The following MAFA variants were observed in gnomAD, a reference collection of about 807,000 sequenced individuals.
MAFA encodes MAF bZIP transcription factor A.
For missense variants in MAFA, 547 were observed against 538.0 expected, an observed-to-expected ratio of 1.02 and a Z score of -0.16; for synonymous variants, 244 against 260.3, an observed-to-expected ratio of 0.94 and a Z score of 0.60.
chr8:143,428,232 G>T lies in MAFA; in HGVS notation c.*1113C>A, dbSNP rs947701428. 12 of 152,132 alleles carry T rather than the reference G, an allele frequency of 7.9e-5. No individual in the cohort carries two copies. The highest frequency in any genetic ancestry group is 2.7e-4 in the African/African-American group (11 of 41,420). The allele number at this position is 152,132 out of a possible 1,614,324, so 9.4% of individuals were successfully genotyped here. ...GGTGTGGAGCGGCTGGAATCCCACT[G>T]ATGGCCCCTGAGGGCCTCCGAAAAC... On this transcript the variant is annotated 3_prime_UTR_variant, in exon 1 of 1. Coordinates refer to ENST00000333480, the MANE Select transcript of MAFA (RefSeq NM_201589.4).
chr8:143,430,480 C>A lies in MAFA; in HGVS notation c.-74G>T, dbSNP rs560224773. The A allele has an allele frequency of 6.2e-5, 28 of 454,330 alleles. No individual in the cohort carries two copies. Among genetic ancestry groups the A allele is most frequent in the East Asian group, 1.2e-4 (1 of 8,512 alleles). The allele number at this position is 454,330 out of a possible 1,614,324, so 28.1% of individuals were successfully genotyped here. ...GGGGGGGAGCTGCAGGCCTCTCCCC[C>A]CCCTGCTCCCCGCGGGCGGCGGTCC... On this transcript the variant is annotated 5_prime_UTR_variant, in exon 1 of 1. Coordinates refer to ENST00000333480, the MANE Select transcript of MAFA (RefSeq NM_201589.4).
rs1407041265 is a variant in MAFA at position 143,429,887 on chromosome 8, C to T, written c.520G>A (p.Gly174Ser). Residue 174 changes from glycine to serine, a missense_variant, in exon 1 of 1, where the codon GGC becomes AGC. Transcript: ENST00000333480. The surrounding 1 kb of genome is among the most constrained non-coding windows in gnomAD (Gnocchi z 5.9). ...GCGCCCATGTCGTCCGCTCCGCCGCCGCCCGCGAAGCCCGGGCCGCGGAAA... is the reference window on the plus strand; with the variant it reads ...GCGCCCATGTCGTCCGCTCCGCCGCTGCCCGCGAAGCCCGGGCCGCGGAAA... ...EAFRGPGFAG[G>S]GGADDMGAGH... The T allele has an allele frequency of 5.3e-6, 7 of 1,309,018 alleles. No individual in the cohort carries two copies. The highest frequency in any genetic ancestry group is 4.8e-6 in the Non-Finnish European group (5 of 1,036,478). 81.1% of individuals were successfully genotyped at this position (1,309,018 alleles called of 1,614,324 possible). A position where few individuals can be genotyped will look rare whatever the true frequency, so the allele number is the denominator to read the frequency against.
rs1819499351 is a variant in MAFA at position 143,429,578 on chromosome 8, G to C, written c.829C>G (p.Gln277Glu). 2 of 1,603,576 alleles carry C rather than the reference G, an allele frequency of 1.2e-6. No homozygotes were observed. The highest frequency in any genetic ancestry group is 2.7e-5 in the African/African-American group (2 of 75,000). Residue 277 changes from glutamine to glutamate, a missense_variant, in exon 1 of 1, where the codon CAG becomes GAG. Physicochemically the swap from Gln to Glu is conservative, Grantham distance 29. Coordinates refer to ENST00000333480, the MANE Select transcript of MAFA (RefSeq NM_201589.4). The surrounding 1 kb of genome is among the most constrained non-coding windows in gnomAD (Gnocchi z 5.9). The part of the protein sequence containing the change: ...YAQSCRFKRV[Q>E]QRHILESEKC... ...TCGCTCTCCAGAATGTGCCGCTGCT[G>C]CACCCGCTTGAAGCGGCAGGACTGC... is the stretch of plus-strand genomic sequence containing the variant.
Position 143,429,344 on chromosome 8 carries a change from C to A in MAFA, c.*1G>T. On this transcript the variant is annotated 3_prime_UTR_variant, in exon 1 of 1. Coordinates refer to ENST00000333480, the MANE Select transcript of MAFA (RefSeq NM_201589.4). This position sits in a 1 kb window ranked among gnomAD's most constrained non-coding sequence, Gnocchi z 5.9. ...GGCGGCGCGGGCTCGGGGTCCGGCG[C>A]CTACAGGAAGAAGTCGGCCGTGCCC... is the stretch of plus-strand genomic sequence containing the variant. The A allele has an allele frequency of 7.4e-7, 1 of 1,355,460 alleles. No individual in the cohort carries two copies. 84.0% of individuals were successfully genotyped at this position (1,355,460 alleles called of 1,614,324 possible). A position where few individuals can be genotyped will look rare whatever the true frequency, so the allele number is the denominator to read the frequency against.
Position 143,430,062 on chromosome 8 carries a change from A to C in MAFA, c.345T>G (p.Asp115Glu). The C allele has an allele frequency of 7.8e-7, 1 of 1,281,366 alleles. No individual in the cohort carries two copies. Among genetic ancestry groups the C allele is most frequent in the Non-Finnish European group, 1.0e-6 (1 of 1,004,364 alleles). The allele number at this position is 1,281,366 out of a possible 1,614,324, so 79.4% of individuals were successfully genotyped here. A position where few individuals can be genotyped will look rare whatever the true frequency, so the allele number is the denominator to read the frequency against. Residue 115 changes from aspartate to glutamate, a missense_variant, in exon 1 of 1, where the codon GAT becomes GAG. Physicochemically the swap from Asp to Glu is conservative, Grantham distance 45. Coordinates refer to ENST00000333480, the MANE Select transcript of MAFA (RefSeq NM_201589.4). ...GCTGGTAGCCGCTCATCCAGTACAGATCCTCCAGCGCCGGCTTCCCCGAGG... is the reference window on the plus strand; with the variant it reads ...GCTGGTAGCCGCTCATCCAGTACAGCTCCTCCAGCGCCGGCTTCCCCGAGG... ...GGTSGKPALE[D>E]LYWMSGYQHH...
chr8:143,429,937 G>A lies in MAFA; in HGVS notation c.470C>T (p.Pro157Leu). The A allele has an allele frequency of 7.9e-7, 1 of 1,261,454 alleles. No individual in the cohort carries two copies. Among genetic ancestry groups the A allele is most frequent in the Non-Finnish European group, 9.9e-7 (1 of 1,006,350 alleles). 78.1% of individuals were successfully genotyped at this position (1,261,454 alleles called of 1,614,324 possible). The change falls in exon 1 of 1, where the codon CCG (proline) becomes CTG (leucine). Residue 157 changes from proline (P) to leucine (L), a missense_variant. Coordinates refer to ENST00000333480, the MANE Select transcript of MAFA (RefSeq NM_201589.4). This position sits in a 1 kb window ranked among gnomAD's most constrained non-coding sequence, Gnocchi z 5.9. ...AGCCTCGTAGGCTGCGGCGGCCGCC[G>A]GGTGGTGCGCGCCGTGGTGCGCGCC... ...HHGAHHGAHH[P>L]AAAAAYEAFR... is the part of the protein sequence containing the mutation.
Position 143,430,498 on chromosome 8 carries a change from G to A in MAFA, c.-92C>T, listed in dbSNP as rs1346400638. Reference sequence around the variant, plus strand: ...TCTCCCCCCCCTGCTCCCCGCGGGCGGCGGTCCCGGCGGGGGCGGGGGGGC... The same window carrying A: ...TCTCCCCCCCCTGCTCCCCGCGGGCAGCGGTCCCGGCGGGGGCGGGGGGGC... On this transcript the variant is annotated 5_prime_UTR_variant, in exon 1 of 1. Coordinates refer to ENST00000333480, the MANE Select transcript of MAFA (RefSeq NM_201589.4). 1 of 299,806 alleles carries A rather than the reference G, an allele frequency of 3.3e-6. No homozygotes were observed. Among genetic ancestry groups the A allele is most frequent in the Non-Finnish European group, 4.9e-6 (1 of 205,502 alleles). 18.6% of individuals were successfully genotyped at this position (299,806 alleles called of 1,614,324 possible). A position where few individuals can be genotyped will look rare whatever the true frequency, so the allele number is the denominator to read the frequency against.
chr8:143,430,274 G>A lies in MAFA; in HGVS notation c.133C>T (p.Leu45=). The change falls in exon 1 of 1, where the codon CTG becomes TTG. Residue 45 remains leucine, a synonymous_variant. Coordinates refer to ENST00000333480, the MANE Select transcript of MAFA (RefSeq NM_201589.4). The stretch of plus-strand genomic sequence containing the variant: ...GTCGAGGACAGCGAGCCTGGCGGCA[G>A]GCGGTGGCAGAAGCGCTCGGCCTCG... The part of the protein sequence containing the change: ...PPEAERFCHR[L]PPGSLSSTPL... 1.4e-6 allele frequency: 2 copies of A among 1,450,200 alleles called. No individual in the cohort carries two copies. The highest frequency in any genetic ancestry group is 3.2e-5 in the East Asian group (1 of 31,478). 89.8% of individuals were successfully genotyped at this position (1,450,200 alleles called of 1,614,324 possible).
rs759230371 is a variant in MAFA at position 143,430,017 on chromosome 8, C to T, written c.390G>A (p.Ala130=). The part of the protein sequence containing the change: ...SGYQHHLNPE[A]LNLTPEDAVE... ...CCGCGTCCTCGGGCGTCAGGTTGAGCGCCTCGGGGTTGAGGTGATGCTGGT... is the reference window on the plus strand; with the variant it reads ...CCGCGTCCTCGGGCGTCAGGTTGAGTGCCTCGGGGTTGAGGTGATGCTGGT... The change falls in exon 1 of 1, where the codon GCG becomes GCA. Residue 130 remains alanine (A), a synonymous_variant. Coordinates refer to ENST00000333480, the MANE Select transcript of MAFA (RefSeq NM_201589.4). The T allele has an allele frequency of 1.5e-6, 2 of 1,372,572 alleles. No individual in the cohort carries two copies. The highest frequency in any genetic ancestry group is 1.5e-5 in the South Asian group (1 of 64,984). 85.0% of individuals were successfully genotyped at this position (1,372,572 alleles called of 1,614,324 possible).
At position 143,428,493 on chromosome 8, in the gene MAFA, CT is replaced by C. The variant is rs1368875782; in HGVS notation, c.*851del. ...TTTCTGCTAGAAATACTGTGCATTA[CT>C]TTTTTCTTTCACTTCTCTTGAAGGT... On this transcript the variant is annotated 3_prime_UTR_variant, in exon 1 of 1. Transcript: ENST00000333480. 6.6e-6 allele frequency: 1 copy of C among 152,226 alleles called. No homozygotes were observed. Among genetic ancestry groups the C allele is most frequent in the Non-Finnish European group, 1.5e-5 (1 of 68,036 alleles). 9.4% of individuals were successfully genotyped at this position (152,226 alleles called of 1,614,324 possible).
At position 143,429,976 on chromosome 8, in the gene MAFA, C is replaced by A; in HGVS notation, c.431G>T (p.Gly144Val). ...GTGGTGCGCGCCGTGGTGGCCGCTG[C>A]CGATGAGCGCCTCCACCGCGTCCTC... ...TPEDAVEALI[G>V]SGHHGAHHGA... Residue 144 changes from glycine to valine, a missense_variant, in exon 1 of 1, where the codon GGC becomes GTC. Transcript: ENST00000333480. The surrounding 1 kb of genome is among the most constrained non-coding windows in gnomAD (Gnocchi z 5.9). 2.3e-6 allele frequency: 3 copies of A among 1,307,278 alleles called. No homozygotes were observed. Among genetic ancestry groups the A allele is most frequent in the Non-Finnish European group, 2.9e-6 (3 of 1,024,062 alleles). The allele number at this position is 1,307,278 out of a possible 1,614,324, so 81.0% of individuals were successfully genotyped here. A position where few individuals can be genotyped will look rare whatever the true frequency, so the allele number is the denominator to read the frequency against.
In MAFA at chr8:143,429,197, C is replaced by T; in HGVS notation, c.*148G>A. On this transcript the variant is annotated 3_prime_UTR_variant, in exon 1 of 1. Coordinates refer to ENST00000333480, the MANE Select transcript of MAFA (RefSeq NM_201589.4). This position sits in a 1 kb window ranked among gnomAD's most constrained non-coding sequence, Gnocchi z 5.9. ...GGACCGGGAGCGAAGGGGCCTCCAGCCCCGCGCCCGCAGACTTGGCACCGG... is the reference window on the plus strand; with the variant it reads ...GGACCGGGAGCGAAGGGGCCTCCAGTCCCGCGCCCGCAGACTTGGCACCGG... The T allele has an allele frequency of 9.4e-7, 1 of 1,068,422 alleles. No individual in the cohort carries two copies. The highest frequency in any genetic ancestry group is 1.2e-6 in the Non-Finnish European group (1 of 847,092). The allele number at this position is 1,068,422 out of a possible 1,614,324, so 66.2% of individuals were successfully genotyped here.
rs7386685 is a variant in MAFA, at chr8:143,429,219, C to A, written c.*126G>T. The A allele has an allele frequency of 3.4e-6, 4 of 1,165,312 alleles. No individual in the cohort carries two copies. Among genetic ancestry groups the A allele is most frequent in the East Asian group, 7.1e-5 (2 of 28,076 alleles). 72.2% of individuals were successfully genotyped at this position (1,165,312 alleles called of 1,614,324 possible). A position where few individuals can be genotyped will look rare whatever the true frequency, so the allele number is the denominator to read the frequency against. On this transcript the variant is annotated 3_prime_UTR_variant, in exon 1 of 1. Transcript: ENST00000333480. The surrounding 1 kb of genome is among the most constrained non-coding windows in gnomAD (Gnocchi z 5.9). ...CAGCCCCGCGCCCGCAGACTTGGCACCGGGGCCAGCACGGCCGGGCCGGGC... is the reference window on the plus strand; with the variant it reads ...CAGCCCCGCGCCCGCAGACTTGGCAACGGGGCCAGCACGGCCGGGCCGGGC...
rs1819506805 is a variant in MAFA at position 143,429,821 on chromosome 8, G to A, written c.586C>T (p.His196Tyr). 3 of 1,467,254 alleles carry A rather than the reference G, an allele frequency of 2.0e-6. 1 individual carries two copies. The highest frequency in any genetic ancestry group is 2.6e-5 in the South Asian group (2 of 77,442). 90.9% of individuals were successfully genotyped at this position (1,467,254 alleles called of 1,614,324 possible). ...HGAHHAAHHH[H>Y]AAHHHHHHHH... ...TGGTGGTGGTGGTGGTGGGCGGCGT[G>A]GTGATGGTGGGCGGCGTGGTGCGCG... is the stretch of plus-strand genomic sequence containing the variant. Residue 196 changes from histidine (H) to tyrosine (Y), a missense_variant, in exon 1 of 1, where the codon CAC (histidine) becomes TAC (tyrosine). His to Tyr is a moderately conservative substitution (Grantham distance 83). Coordinates refer to ENST00000333480, the MANE Select transcript of MAFA (RefSeq NM_201589.4). The surrounding 1 kb of genome is among the most constrained non-coding windows in gnomAD (Gnocchi z 5.9).
rs1425517163 is a variant in MAFA at position 143,430,362 on chromosome 8, C to A, written c.45G>T (p.Pro15=). The change falls in exon 1 of 1, where the codon CCG becomes CCT. Residue 15 remains proline (P), a synonymous_variant. Coordinates refer to ENST00000333480, the MANE Select transcript of MAFA (RefSeq NM_201589.4). ...AGTCGTTGACGTACTCGATGGCCAGCGGGCTGCTGGGCAGCTCGGCGCCCA... is the reference window on the plus strand; with the variant it reads ...AGTCGTTGACGTACTCGATGGCCAGAGGGCTGCTGGGCAGCTCGGCGCCCA... ...LAMGAELPSS[P]LAIEYVNDFD... 4 of 1,430,372 alleles carry A rather than the reference C, an allele frequency of 2.8e-6. No individual in the cohort carries two copies. Among genetic ancestry groups the A allele is most frequent in the Non-Finnish European group, 2.8e-6 (3 of 1,076,004 alleles). 88.6% of individuals were successfully genotyped at this position (1,430,372 alleles called of 1,614,324 possible). A position where few individuals can be genotyped will look rare whatever the true frequency, so the allele number is the denominator to read the frequency against.
rs1009235111 is a variant in MAFA, at chr8:143,428,542, G to A, written c.*803C>T. 6.6e-6 allele frequency: 1 copy of A among 152,210 alleles called. No homozygotes were observed. The highest frequency in any genetic ancestry group is 1.5e-5 in the Non-Finnish European group (1 of 68,054). 9.4% of individuals were successfully genotyped at this position (152,210 alleles called of 1,614,324 possible). A position where few individuals can be genotyped will look rare whatever the true frequency, so the allele number is the denominator to read the frequency against. ...GGTTAAAACAAGATGTATTTCCCCA[G>A]GAGTTACAGATATGTTCTGGTGCAT... On this transcript the variant is annotated 3_prime_UTR_variant, in exon 1 of 1. Coordinates refer to ENST00000333480, the MANE Select transcript of MAFA (RefSeq NM_201589.4).
chr8:143,429,754 C>T lies in MAFA; in HGVS notation c.653G>A (p.Gly218Asp), dbSNP rs762915364. ...HGGAGHGGGA[G>D]HHVRLEERFS... The stretch of plus-strand genomic sequence containing the variant: ...GCGCTCCTCCAGGCGCACGTGGTGG[C>T]CCGCGCCACCGCCGTGTCCCGCGCC... Residue 218 changes from glycine (G) to aspartate (D), a missense_variant, in exon 1 of 1, where the codon GGC (glycine) becomes GAC (aspartate). Physicochemically the swap from Gly to Asp is moderately conservative, Grantham distance 94. Coordinates refer to ENST00000333480, the MANE Select transcript of MAFA (RefSeq NM_201589.4). This position sits in a 1 kb window ranked among gnomAD's most constrained non-coding sequence, Gnocchi z 5.9. The T allele has an allele frequency of 2.8e-5, 43 of 1,537,258 alleles. No homozygotes were observed. Among genetic ancestry groups the T allele is most frequent in the South Asian group, 2.1e-4 (18 of 84,332 alleles).
Position 143,430,158 on chromosome 8 carries a change from G to GC in MAFA, c.248dup (p.Gly84ArgfsTer353), listed in dbSNP as rs1563825203. 8 of 1,101,512 alleles carry GC rather than the reference G, an allele frequency of 7.3e-6. No homozygotes were observed. Among genetic ancestry groups the GC allele is most frequent in the Admixed American group, 5.5e-5 (1 of 18,188 alleles). The allele number at this position is 1,101,512 out of a possible 1,614,324, so 68.2% of individuals were successfully genotyped here. Reference sequence around the variant, plus strand: ...CCCCGGCCTGAGACGAGCCGCCGCCGCCCCCCGCGCCGCCGCCGCCGCCGG... The same window carrying GC: ...CCCCGGCCTGAGACGAGCCGCCGCCGCCCCCCCGCGCCGCCGCCGCCGCCGG... On this transcript the variant is annotated frameshift_variant, in exon 1 of 1. Coordinates refer to ENST00000333480, the MANE Select transcript of MAFA (RefSeq NM_201589.4). LOFTEE classifies it low-confidence loss of function (END_TRUNC).
In MAFA at chr8:143,429,845, C is replaced by T; in HGVS notation, c.562G>A (p.Ala188Thr). 7.1e-7 allele frequency: 1 copy of T among 1,407,070 alleles called. No homozygotes were observed. The highest frequency in any genetic ancestry group is 1.5e-5 in the South Asian group (1 of 66,340). 87.2% of individuals were successfully genotyped at this position (1,407,070 alleles called of 1,614,324 possible). A position where few individuals can be genotyped will look rare whatever the true frequency, so the allele number is the denominator to read the frequency against. Reference protein sequence around the residue: ...DDMGAGHHHGAHHAAHHHHAA... With the variant: ...DDMGAGHHHGTHHAAHHHHAA... ...TGGTGATGGTGGGCGGCGTGGTGCG[C>T]GCCGTGGTGGTGGCCGGCGCCCATG... Residue 188 changes from alanine (A) to threonine (T), a missense_variant, in exon 1 of 1, where the codon GCG becomes ACG. Ala to Thr is a moderately conservative substitution (Grantham distance 58). Coordinates refer to ENST00000333480, the MANE Select transcript of MAFA (RefSeq NM_201589.4). The surrounding 1 kb of genome is among the most constrained non-coding windows in gnomAD (Gnocchi z 5.9).
Sources: allele counts gnomAD v4.1 joint callset, GRCh38; gene constraint gnomAD v4.1.1; non-coding constraint Gnocchi (gnomAD v3.1); transcripts MANE v1.5; gene names NCBI Gene and HGNC (gene_info 2026-07-23, HGNC 2026-07-21).